Variants in ZMAT5 observed in about 807,000 individuals in gnomAD.
ZMAT5 encodes the protein zinc finger matrin-type protein 5.
In ZMAT5, 23 loss-of-function variants were observed where a neutral mutation model predicts 28.0. That is an observed-to-expected ratio of 0.82 (90% CI 0.59 to 1.16). ZMAT5 has a LOEUF of 1.16. Ranked by LOEUF, ZMAT5 falls within the 50% of genes most tolerant of loss-of-function variation. The pLI, the probability that ZMAT5 is intolerant of heterozygous loss-of-function variation, is 0.00. For missense variants in ZMAT5, 173 were observed against 212.7 expected, an observed-to-expected ratio of 0.81 and a Z score of 1.16; for synonymous variants, 76 against 84.1, an observed-to-expected ratio of 0.90 and a Z score of 0.52.
rs554663161 is a variant in ZMAT5, at chr22:29,753,471, G to C, written c.-27-4900C>G. ...ACCCAGGAGGCAGAGGTTGCAGTAAGCAGAGATCGCACCACTGCACCCCAG... is the reference window on the plus strand; with the variant it reads ...ACCCAGGAGGCAGAGGTTGCAGTAACCAGAGATCGCACCACTGCACCCCAG... On this transcript the variant is annotated intron_variant, in intron 1 of 5. Transcript: ENST00000344318. 2.0e-5 allele frequency among the ~76,000 whole-genome samples: 3 copies of C among 152,278 alleles called. No homozygotes were observed. In the South Asian group the frequency reaches 6.2e-4, roughly 32 times the overall value.
chr22:29,737,998 T>C (rs140116), intron 5 of ZMAT5, among the ~76,000 whole-genome samples: 151,732 of 152,204 alleles, frequency 1, 75,631 homozygotes, highest in Middle Eastern at 1. Context: ...GAGGCAACAG[T>C]GGGCAGCAGT....
chr22:29,759,796 G>C (rs2147237412), intron 1 of ZMAT5, among the ~76,000 whole-genome samples: 1 of 152,152 alleles, frequency 6.6e-6, no homozygotes, highest in East Asian at 1.9e-4. Flanking sequence ...GCCGGGCATG[G>C]TGGCTCATGT....
intron 1 of ZMAT5, among the ~76,000 whole-genome samples, chr22:29,749,110 C>T (rs573122405): frequency 1.3e-5 from 2 of 152,292 alleles, no homozygotes; most frequent in East Asian, 1.9e-4. Flanking sequence ...CAGAGTCTCG[C>T]TCTGTCACCC....
At position 29,765,173 on chromosome 22, in the gene ZMAT5, C is replaced by T. The variant is rs570957599; in HGVS notation, c.-28+1699G>A. 1.1e-4 allele frequency among the ~76,000 whole-genome samples: 16 copies of T among 152,178 alleles called. No individual in the cohort carries two copies. In the East Asian group the frequency reaches 2.5e-3, roughly 24 times the overall value. On this transcript the variant is annotated intron_variant, in intron 1 of 5. Coordinates refer to ENST00000344318, the MANE Select transcript of ZMAT5 (RefSeq NM_001003692.2). ...GTGGCTCACACCTGTAATCCCGGCA[C>T]TTTGGGAGACCGTGGCAGGCGGATC...
intron 1 of ZMAT5, among the ~76,000 whole-genome samples, chr22:29,760,276 G>A (rs550500718): frequency 3.9e-5 from 6 of 152,014 alleles, no homozygotes; most frequent in Admixed American, 2.6e-4. Context: ...AGGAGGCTGA[G>A]GCAGGAGAAT....
At position 29,760,398 on chromosome 22, in the gene ZMAT5, G is replaced by T. The variant is rs554939657; in HGVS notation, c.-28+6474C>A. On this transcript the variant is annotated intron_variant, in intron 1 of 5. Transcript: ENST00000344318. ...CTCAAAAAAAAAAAAAAAAAAATTA[G>T]CTCAGCGTGGTGGTGCACACCTGTA... Among the ~76,000 whole-genome samples, 23 of 137,420 alleles carry T rather than the reference G, an allele frequency of 1.7e-4. 1 individual carries two copies. Among genetic ancestry groups the T allele is most frequent in the African/African-American group, 6.1e-4 (23 of 37,686 alleles). The allele number at this position is 137,420 out of a possible 152,430, so 90.2% of individuals were successfully genotyped here.
At chr22:29,750,288 C>T (rs1392073032) in intron 1 of ZMAT5, among the ~76,000 whole-genome samples, 1 of 152,206 alleles carries the variant, frequency 6.6e-6, no homozygotes, top group African/African-American at 2.4e-5. Flanking sequence ...CGTTACATTG[C>T]CAGGTGTCCT....
At chr22:29,754,707 CAGAA>C (rs2068083954) in intron 1 of ZMAT5, among the ~76,000 whole-genome samples, 1 of 151,772 alleles carries the variant, frequency 6.6e-6, no homozygotes. Flanking sequence ...CCCATTTCTA[CAGAA>C]AGAAAGAAAA....
In ZMAT5 at chr22:29,740,801, G is replaced by A. The variant is rs188218486; in HGVS notation, c.191-71C>T. 282 of 1,398,308 alleles carry A rather than the reference G, an allele frequency of 2.0e-4. No individual in the cohort carries two copies. In the East Asian group the frequency reaches 5.9e-3, roughly 29 times the overall value. 86.6% of individuals were successfully genotyped at this position (1,398,308 alleles called of 1,614,324 possible). ...CACAGGGGCTGAGGGGTGCCCAGAT[G>A]AGGGATCCCAGAATCTTAGGGGCAG... is the stretch of plus-strand genomic sequence containing the variant. On this transcript the variant is annotated intron_variant, in intron 3 of 5. Transcript: ENST00000344318.
At chr22:29,742,758 G>A (rs892751072) in intron 2 of ZMAT5, among the ~76,000 whole-genome samples, 2 of 152,112 alleles carry the variant, frequency 1.3e-5, no homozygotes, top group Admixed American at 6.6e-5. Flanking sequence ...AACTTGGCAC[G>A]AGGGAGTCAG....
intron 3 of ZMAT5, 135 bp downstream of exon 3, chr22:29,742,283 T>C: frequency 3.8e-6 from 3 of 795,778 alleles, no homozygotes. Context: ...GACTGGCCAG[T>C]CAGCTGGAGC....
intron 2 of ZMAT5, among the ~76,000 whole-genome samples, chr22:29,742,958 A>T (rs1364917910): frequency 6.6e-6 from 1 of 151,936 alleles, no homozygotes; most frequent in African/African-American, 2.4e-5. Flanking sequence ...TGCCCAGCTA[A>T]TATTTTTTAT....
intron 1 of ZMAT5, among the ~76,000 whole-genome samples, chr22:29,757,658 G>A (rs1056092869): frequency 3.9e-5 from 6 of 152,190 alleles, no homozygotes; most frequent in African/African-American, 1.2e-4. Context: ...CTGGGTCAGG[G>A]TTGGTCTATG....
At chr22:29,757,049 T>C (rs1174449964) in intron 1 of ZMAT5, among the ~76,000 whole-genome samples, 1 of 151,312 alleles carries the variant, frequency 6.6e-6, no homozygotes, top group Non-Finnish European at 1.5e-5. Context: ...AAAATATATA[T>C]ATTTTTTAAT....
chr22:29,748,170 G>A, intron 2 of ZMAT5: 1 of 537,262 alleles, frequency 1.9e-6, no homozygotes, highest in Non-Finnish European at 3.3e-6. Context: ...CCCTATTTTA[G>A]CTGTTGGCTC....
intron 2 of ZMAT5, among the ~76,000 whole-genome samples, chr22:29,744,152 T>C (rs1436303911): frequency 6.6e-6 from 1 of 152,146 alleles, no homozygotes; most frequent in Admixed American, 6.5e-5. Context: ...TGAGAATCAC[T>C]AGGAAAGTGA....
intron 2 of ZMAT5, 127 bp downstream of exon 2, chr22:29,748,291 G>T: frequency 7.1e-7 from 1 of 1,412,320 alleles, no homozygotes; most frequent in Non-Finnish European, 9.9e-7. Context: ...AGTGGCTCAG[G>T]CCTCCCTCTC....
At chr22:29,752,544 T>C (rs1190810911) in intron 1 of ZMAT5, among the ~76,000 whole-genome samples, 1 of 152,018 alleles carries the variant, frequency 6.6e-6, no homozygotes, top group Non-Finnish European at 1.5e-5. Context: ...CGACCCCACA[T>C]TCCAGTCCCA....
chr22:29,761,725 T>G (rs2068159592), intron 1 of ZMAT5, among the ~76,000 whole-genome samples: 1 of 152,216 alleles, frequency 6.6e-6, no homozygotes. Flanking sequence ...GTCTAACAGA[T>G]AAGCATTGTG....
Sources: allele counts gnomAD v4.1 joint callset (sites outside exome capture counted in the v4.1 genomes callset), GRCh38; gene constraint gnomAD v4.1.1; transcripts MANE v1.5; gene names NCBI Gene and HGNC (gene_info 2026-07-23, HGNC 2026-07-21).